PLXDC2: variants seen among roughly 807,000 people sequenced by gnomAD.
The protein encoded by PLXDC2 is plexin domain containing 2, also known as plexin domain-containing protein 2.
A neutral mutation model predicts 68.9 loss-of-function variants in PLXDC2; 40 were observed. That is an observed-to-expected ratio of 0.58 (90% CI 0.45 to 0.76). The LOEUF (loss-of-function observed/expected upper bound fraction) is 0.76, where lower values mean the gene tolerates loss of function less well. PLXDC2 is among the 30% of genes least tolerant of loss of function. The probability of loss-of-function intolerance (pLI) is 0.00; values close to 1 mark genes in which losing one functional copy is unlikely to be tolerated. For synonymous variants in PLXDC2, 243 were observed against 234.2 expected (o/e 1.04, Z -0.34); for missense variants, 644 against 661.9 (o/e 0.97, Z 0.30).
intron 1 of PLXDC2, among the ~76,000 whole-genome samples, chr10:19,836,048 A>G (rs535201048): frequency 6.6e-6 from 1 of 152,116 alleles, no homozygotes; most frequent in Admixed American, 6.6e-5. Context: ...GTGGTGGTGC[A>G]CATCTGTGGT....
chr10:19,966,164 A>C (rs1478871791), intron 1 of PLXDC2, among the ~76,000 whole-genome samples: 1 of 144,268 alleles, frequency 6.9e-6, no homozygotes, highest in Non-Finnish European at 1.5e-5. Context: ...ACACGCACAC[A>C]TATACATGTG....
chr10:20,139,456 GA>G, intron 4 of PLXDC2, among the ~76,000 whole-genome samples: 1 of 152,310 alleles, frequency 6.6e-6, no homozygotes, highest in South Asian at 2.1e-4. Context: ...GACATTGTAT[GA>G]TTAGCTCTTC....
At chr10:19,870,541 T>C (rs1837516080) in intron 1 of PLXDC2, among the ~76,000 whole-genome samples, 1 of 152,128 alleles carries the variant, frequency 6.6e-6, no homozygotes, top group Admixed American at 6.5e-5. Flanking sequence ...TTTTCCTGCC[T>C]CAGCCTCCCA....
chr10:19,926,987 T>C (rs1249380559), intron 1 of PLXDC2, among the ~76,000 whole-genome samples: 3 of 152,224 alleles, frequency 2.0e-5, no homozygotes, highest in African/African-American at 7.2e-5. Context: ...TCATTTCTAA[T>C]GTTTGAGCCC....
chr10:20,180,910 T>G (rs1476261007), intron 9 of PLXDC2, among the ~76,000 whole-genome samples: 1 of 152,044 alleles, frequency 6.6e-6, no homozygotes, highest in Non-Finnish European at 1.5e-5. Flanking sequence ...CAACTGTACC[T>G]TATAGCTTCA....
intron 1 of PLXDC2, among the ~76,000 whole-genome samples, chr10:19,893,911 T>C (rs1838009840): frequency 6.6e-6 from 1 of 152,218 alleles, no homozygotes; most frequent in Admixed American, 6.5e-5. Context: ...TAGAGTTTAG[T>C]AAATGACTTC....
At chr10:19,821,313 T>C (rs570793102) in intron 1 of PLXDC2, among the ~76,000 whole-genome samples, 1 of 152,312 alleles carries the variant, frequency 6.6e-6, no homozygotes, top group Non-Finnish European at 1.5e-5. Flanking sequence ...TTCCTCCTGC[T>C]CTTCCTTCTC....
At chr10:20,158,986 T>G (rs891120067) in intron 6 of PLXDC2, among the ~76,000 whole-genome samples, 5 of 152,228 alleles carry the variant, frequency 3.3e-5, no homozygotes, top group African/African-American at 1.2e-4. Flanking sequence ...ATATAAGTAG[T>G]TGAAAGTTTC....
Position 19,837,399 on chromosome 10 carries a change from AGAGAGAGAGAGTGTGTGTGTGT to A in PLXDC2, c.112+20210_112+20231del, listed in dbSNP as rs1330224394. The stretch of plus-strand genomic sequence containing the variant: ...CATTGAGTAAGTGAGAGAGAGAGAG[AGAGAGAGAGAGTGTGTGTGTGT>A]GTGTGTGTGTGTGTGTGTGTGTGTA... On this transcript the variant is annotated intron_variant, in intron 1 of 13. Coordinates refer to ENST00000377252, the MANE Select transcript of PLXDC2 (RefSeq NM_032812.9). 2.3e-3 allele frequency among the ~76,000 whole-genome samples: 251 copies of A among 107,894 alleles called. 1 individual carries two copies. The highest frequency in any genetic ancestry group is 3.5e-3 in the Admixed American group (39 of 11,132). 70.8% of individuals were successfully genotyped at this position (107,894 alleles called of 152,430 possible). A position where few individuals can be genotyped will look rare whatever the true frequency, so the allele number is the denominator to read the frequency against.
At chr10:20,177,919 A>C (rs1017529551) in intron 9 of PLXDC2, among the ~76,000 whole-genome samples, 1 of 152,118 alleles carries the variant, frequency 6.6e-6, no homozygotes, top group African/African-American at 2.4e-5. Context: ...AAAATTACTA[A>C]CAGCATTTAT....
intron 1 of PLXDC2, among the ~76,000 whole-genome samples, chr10:19,945,868 G>A (rs1439068957): frequency 6.6e-6 from 1 of 152,140 alleles, no homozygotes; most frequent in Admixed American, 6.5e-5. Context: ...TTTATATTAT[G>A]CTGTTCTCTG....
At chr10:19,899,984 C>T in intron 1 of PLXDC2, among the ~76,000 whole-genome samples, 1 of 152,132 alleles carries the variant, frequency 6.6e-6, no homozygotes, top group East Asian at 1.9e-4. Flanking sequence ...CTTCAAGATA[C>T]ATCACAAATG....
At chr10:19,939,294 A>G (rs1233497686) in intron 1 of PLXDC2, among the ~76,000 whole-genome samples, 3 of 152,248 alleles carry the variant, frequency 2.0e-5, no homozygotes, top group Non-Finnish European at 4.4e-5. Context: ...AAGCAACATT[A>G]GCAGTGATCT....
intron 12 of PLXDC2, among the ~76,000 whole-genome samples, chr10:20,244,809 A>T (rs941626865): frequency 3.3e-5 from 5 of 152,182 alleles, no homozygotes; most frequent in Non-Finnish European, 4.4e-5. Flanking sequence ...CATTTTGCTT[A>T]TCAAACTAGA....
At chr10:20,221,266 A>T (rs543660919) in intron 12 of PLXDC2, among the ~76,000 whole-genome samples, 1 of 151,876 alleles carries the variant, frequency 6.6e-6, no homozygotes, top group South Asian at 2.1e-4. Context: ...TGAGCCATCA[A>T]AGAATCATAA....
intron 1 of PLXDC2, among the ~76,000 whole-genome samples, chr10:19,920,134 G>A (rs1433919723): frequency 6.6e-6 from 1 of 152,182 alleles, no homozygotes; most frequent in Non-Finnish European, 1.5e-5. Context: ...CCAACCGTGA[G>A]GCCAAGCTCC....
chr10:20,131,260 C>T (rs567130917), intron 4 of PLXDC2, among the ~76,000 whole-genome samples: 8 of 151,108 alleles, frequency 5.3e-5, no homozygotes, highest in Admixed American at 2.6e-4. Context: ...TGTTCTGTTC[C>T]GACGTGGTAA....
rs1020210034 is a variant in PLXDC2 at position 19,832,713 on chromosome 10, T to G, written c.112+15522T>G. Among the ~76,000 whole-genome samples, 3 of 152,218 alleles carry G rather than the reference T, an allele frequency of 2.0e-5. No individual in the cohort carries two copies. The East Asian group carries it at 5.8e-4, about 29-fold the overall frequency. On this transcript the variant is annotated intron_variant, in intron 1 of 13. Coordinates refer to ENST00000377252, the MANE Select transcript of PLXDC2 (RefSeq NM_032812.9). ...GGGGTGTGATTTACAAGAGGCTATG[T>G]GCATGTGTATAACATGGATACAGTG...
intron 4 of PLXDC2, among the ~76,000 whole-genome samples, chr10:20,121,873 T>G (rs945416120): frequency 4.6e-5 from 7 of 152,178 alleles, no homozygotes; most frequent in Non-Finnish European, 8.8e-5. Context: ...GATAACAGGC[T>G]TTAATCCTTT....
Sources: gnomAD v4.1 joint callset for allele counts (sites outside exome capture counted in the v4.1 genomes callset) on GRCh38, gnomAD v4.1.1 for gene constraint, MANE v1.5 for transcripts, NCBI Gene and HGNC (gene_info 2026-07-23, HGNC 2026-07-21) for gene names.